SNTG1: variants seen among roughly 807,000 people sequenced by gnomAD.
The protein encoded by SNTG1 is gamma-1-syntrophin.
A neutral mutation model predicts 74.7 loss-of-function variants in SNTG1; 39 were observed. The ratio of observed to expected loss-of-function variants is 0.52; its 90% CI spans 0.40 to 0.68. The LOEUF (loss-of-function observed/expected upper bound fraction) is 0.68. Among genes scored for constraint, SNTG1 ranks in the 30% least tolerant of loss-of-function variants. The probability of loss-of-function intolerance (pLI) is 0.00; values close to 1 mark genes in which losing one functional copy is unlikely to be tolerated. For synonymous variants in SNTG1, 254 were observed against 217.1 expected, an observed-to-expected ratio of 1.17 and a Z score of -1.49; for missense variants, 685 against 609.5, an observed-to-expected ratio of 1.12 and a Z score of -1.30.
At chr8:50,733,601 G>C (rs887653938) in intron 17 of SNTG1, among the ~76,000 whole-genome samples, 9 of 151,678 alleles carry the variant, frequency 5.9e-5, no homozygotes, top group African/African-American at 9.7e-5. Flanking sequence ...TGTTGTTTTT[G>C]ACATTTTAAT....
chr8:50,361,062 C>T (rs1283020454), intron 2 of SNTG1, among the ~76,000 whole-genome samples: 1 of 152,154 alleles, frequency 6.6e-6, no homozygotes, highest in East Asian at 1.9e-4. Flanking sequence ...CAAACATTTA[C>T]AACTGTACAA....
At chr8:50,162,709 C>T (rs1300020702) in intron 1 of SNTG1, among the ~76,000 whole-genome samples, 1 of 152,050 alleles carries the variant, frequency 6.6e-6, no homozygotes, top group Non-Finnish European at 1.5e-5. Context: ...GGGGTATTTA[C>T]GTCACATGTG....
rs187968501 is a variant in SNTG1 at position 49,999,639 on chromosome 8, C to T, written c.-103+87408C>T. On this transcript the variant is annotated intron_variant, in intron 1 of 18. Coordinates refer to ENST00000642720, the MANE Select transcript of SNTG1 (RefSeq NM_018967.5). ...CTGCGATTCCATGTGCCAGAACACT[C>T]TTCCCCCAATGTCTGCATGGCTCTC... 3.6e-4 allele frequency among the ~76,000 whole-genome samples: 55 copies of T among 152,264 alleles called. No homozygotes were observed. In the East Asian group the frequency reaches 8.5e-3, roughly 24 times the overall value.
At chr8:50,579,466 G>A (rs1056986029) in intron 12 of SNTG1, among the ~76,000 whole-genome samples, 5 of 152,112 alleles carry the variant, frequency 3.3e-5, no homozygotes, top group African/African-American at 1.2e-4. Flanking sequence ...CAAGACAATG[G>A]GGAAAATGTC....
intron 12 of SNTG1, among the ~76,000 whole-genome samples, chr8:50,569,496 G>A (rs745540440): frequency 1.5e-4 from 23 of 149,846 alleles, no homozygotes; most frequent in African/African-American, 2.2e-4. Flanking sequence ...CCATAAAAGC[G>A]TTGGTTTTGA....
intron 4 of SNTG1, among the ~76,000 whole-genome samples, chr8:50,404,530 T>C (rs1261451510): frequency 2.0e-5 from 3 of 151,946 alleles, no homozygotes; most frequent in Admixed American, 6.6e-5. Flanking sequence ...ATTCTAATAA[T>C]AAATACAATG....
chr8:50,077,687 T>A (rs1435111760), intron 1 of SNTG1, among the ~76,000 whole-genome samples: 2 of 152,204 alleles, frequency 1.3e-5, no homozygotes, highest in African/African-American at 4.8e-5. Context: ...AAATTTTAGA[T>A]CACTTCCATC....
Position 50,795,320 on chromosome 8 carries a change from A to C in SNTG1, c.*2491A>C, listed in dbSNP as rs1441667434. On this transcript the variant is annotated 3_prime_UTR_variant, in exon 19 of 19. Transcript: ENST00000642720. ...TTCATCAGTTTAACAATTAGTATTT[A>C]ATGTTTTCTTTACAATGTGGTGATT... 1.3e-5 allele frequency: 2 copies of C among 152,050 alleles called. No individual in the cohort carries two copies. Among genetic ancestry groups the C allele is most frequent in the African/African-American group, 4.8e-5 (2 of 41,448 alleles). The allele number at this position is 152,050 out of a possible 1,614,324, so 9.4% of individuals were successfully genotyped here. A position where few individuals can be genotyped will look rare whatever the true frequency, so the allele number is the denominator to read the frequency against.
intron 13 of SNTG1, among the ~76,000 whole-genome samples, chr8:50,617,378 TCACACACACA>T (rs3999830): frequency 1.5e-4 from 22 of 146,946 alleles, no homozygotes; most frequent in African/African-American, 5.0e-4. Context: ...AGTAAGCATT[TCACACACACA>T]CACACACACA....
At chr8:50,759,522 C>A (rs911868795) in intron 18 of SNTG1, among the ~76,000 whole-genome samples, 1 of 152,010 alleles carries the variant, frequency 6.6e-6, no homozygotes, top group Non-Finnish European at 1.5e-5. Flanking sequence ...CAGTTTTCTG[C>A]ATATGGCTAG....
intron 8 of SNTG1, among the ~76,000 whole-genome samples, chr8:50,475,945 A>G (rs1207548979): frequency 6.6e-6 from 1 of 152,190 alleles, no homozygotes. Context: ...CTTCAGAAAT[A>G]AACAAGTCAT....
intron 1 of SNTG1, among the ~76,000 whole-genome samples, chr8:49,945,848 A>G (rs891364335): frequency 4.6e-5 from 7 of 152,210 alleles, no homozygotes; most frequent in African/African-American, 1.7e-4. Context: ...GCACAGTGGG[A>G]CCAAGAACAA....
intron 2 of SNTG1, among the ~76,000 whole-genome samples, chr8:50,267,934 A>G (rs895042845): frequency 6.6e-6 from 1 of 152,174 alleles, no homozygotes; most frequent in Admixed American, 6.5e-5. Context: ...ACAGTACTAG[A>G]AGGTAAAGTC....
At chr8:50,158,291 T>C (rs949041960) in intron 1 of SNTG1, among the ~76,000 whole-genome samples, 7 of 152,300 alleles carry the variant, frequency 4.6e-5, no homozygotes, top group African/African-American at 1.2e-4. Context: ...CTTTCACATA[T>C]GTAGTCTTAT....
intron 1 of SNTG1, among the ~76,000 whole-genome samples, chr8:50,030,007 T>C (rs1259951628): frequency 6.6e-6 from 1 of 152,092 alleles, no homozygotes; most frequent in Non-Finnish European, 1.5e-5. Flanking sequence ...CTCACCAGCA[T>C]TTTTTATTGC....
intron 2 of SNTG1, among the ~76,000 whole-genome samples, chr8:50,184,322 C>A (rs1319444576): frequency 6.6e-6 from 1 of 151,988 alleles, no homozygotes; most frequent in Non-Finnish European, 1.5e-5. Context: ...CCCACCACCA[C>A]ACCTGGCTAG....
At chr8:50,686,550 A>G (rs2095353178) in intron 15 of SNTG1, among the ~76,000 whole-genome samples, 2 of 152,128 alleles carry the variant, frequency 1.3e-5, no homozygotes, top group South Asian at 2.1e-4. Flanking sequence ...ACTCAGAAAT[A>G]AAGAATTAAT....
Position 50,792,956 on chromosome 8 carries a change from G to C in SNTG1, c.*127G>C, listed in dbSNP as rs1244995155. On this transcript the variant is annotated 3_prime_UTR_variant, in exon 19 of 19. Coordinates refer to ENST00000642720, the MANE Select transcript of SNTG1 (RefSeq NM_018967.5). ...GTGGAGGCAAATCAAAATTTCGGCAGAAAAAGAAGGTCATGTGGAACCTCA... is the reference window on the plus strand; with the variant it reads ...GTGGAGGCAAATCAAAATTTCGGCACAAAAAGAAGGTCATGTGGAACCTCA... 2 of 1,032,852 alleles carry C rather than the reference G, an allele frequency of 1.9e-6. No individual in the cohort carries two copies. Among genetic ancestry groups the C allele is most frequent in the Non-Finnish European group, 2.7e-6 (2 of 741,188 alleles). 64.0% of individuals were successfully genotyped at this position (1,032,852 alleles called of 1,614,324 possible).
chr8:50,135,640 C>G (rs1232662815), intron 1 of SNTG1, among the ~76,000 whole-genome samples: 1 of 151,978 alleles, frequency 6.6e-6, no homozygotes, highest in Non-Finnish European at 1.5e-5. Context: ...AAAAAAAATT[C>G]AATGAATTTT....
Sources: gnomAD v4.1 joint callset for allele counts (sites outside exome capture counted in the v4.1 genomes callset) on GRCh38, gnomAD v4.1.1 for gene constraint, MANE v1.5 for transcripts, NCBI Gene and HGNC (gene_info 2026-07-23, HGNC 2026-07-21) for gene names.